ALG12: variants seen among roughly 807,000 people sequenced by gnomAD.
ALG12 encodes ALG12 alpha-1,6-mannosyltransferase.
A neutral mutation model predicts 46.0 loss-of-function variants in ALG12; 36 were observed. That is an observed-to-expected ratio of 0.78 (90% CI 0.60 to 1.03). The LOEUF (loss-of-function observed/expected upper bound fraction) is 1.03, where lower values mean the gene tolerates loss of function less well. Ranked by LOEUF, ALG12 falls within the 50% of genes least tolerant of loss-of-function variation. ALG12 has a pLI of 0.00. For missense variants in ALG12, 599 were observed against 633.5 expected (o/e 0.95, Z 0.58); for synonymous variants, 326 against 291.6 (o/e 1.12, Z -1.20).
chr22:49,861,466 C>T, the ALG12 span, among the ~76,000 whole-genome samples: 1 of 152,068 alleles, frequency 6.6e-6, no homozygotes, highest in African/African-American at 2.4e-5. Context: ...TAGCGTCTGG[C>T]TCTGTTGCCC....
chr22:49,878,223 T>C, the ALG12 span, among the ~76,000 whole-genome samples: 1 of 148,164 alleles, frequency 6.7e-6, no homozygotes, highest in African/African-American at 2.5e-5. Flanking sequence ...GAGAATCGTT[T>C]GAACCCGGGA....
Position 49,913,325 on chromosome 22 carries a change from A to G in ALG12, c.295+60T>C, listed in dbSNP as rs1031101236. 1.6e-4 allele frequency: 263 copies of G among 1,609,032 alleles called. 4 individuals are homozygous for G. The South Asian group carries it at 2.5e-3, about 15-fold the overall frequency. Reference sequence around the variant, plus strand: ...GGCAGGAGGGACCGCGGCCTCGCTGAGGTCACCCGATGACACCACAGTCCC... The same window carrying G: ...GGCAGGAGGGACCGCGGCCTCGCTGGGGTCACCCGATGACACCACAGTCCC... On this transcript the variant is annotated intron_variant, in intron 3 of 9. Coordinates refer to ENST00000330817, the MANE Select transcript of ALG12 (RefSeq NM_024105.4).
Position 49,909,905 on chromosome 22 carries a change from A to AGTT in ALG12, c.652_653insAAC (p.Ile218delinsLysLeu). 1 of 1,614,130 alleles carries AGTT rather than the reference A, an allele frequency of 6.2e-7. No homozygotes were observed. On this transcript the variant is annotated protein_altering_variant, in exon 5 of 10. Transcript: ENST00000330817. Reference sequence around the variant, plus strand: ...AGTGACTGACTTACCTAAACAGAGGATCCCTGCCGGGACGGCGTGGCGAAG... The same window carrying AGTT: ...AGTGACTGACTTACCTAAACAGAGGAGTTTCCCTGCCGGGACGGCGTGGCGAAG...
At chr22:49,890,754 C>T in the ALG12 span, among the ~76,000 whole-genome samples, 11 of 152,166 alleles carry the variant, frequency 7.2e-5, no homozygotes, top group East Asian at 3.9e-4. Context: ...CGGTGGCTCA[C>T]GCCTGTAATC....
chr22:49,899,195 G>A (rs763303682), downstream of ALG12, among the ~76,000 whole-genome samples: 23 of 152,076 alleles, frequency 1.5e-4, no homozygotes, highest in East Asian at 9.6e-4. Context: ...GATGCAGGCC[G>A]GGCACAGTGG....
At chr22:49,889,293 T>C in the ALG12 span, 2 of 167,094 alleles carry the variant, frequency 1.2e-5, no homozygotes, top group African/African-American at 2.4e-5. Context: ...CACAGCTGTT[T>C]TTTTAACATG....
chr22:49,904,543 T>C, intron 7 of ALG12, 37 bp from the exon 8 acceptor site: 2 of 1,610,910 alleles, frequency 1.2e-6, no homozygotes. Flanking sequence ...AGGCAGAACG[T>C]AATGACAATA....
chr22:49,903,772 G>A lies in ALG12; in HGVS notation c.*66C>T, dbSNP rs2060527143. 1.3e-6 allele frequency: 2 copies of A among 1,531,262 alleles called. No homozygotes were observed. Among genetic ancestry groups the A allele is most frequent in the South Asian group, 2.2e-5 (2 of 89,376 alleles). 94.9% of individuals were successfully genotyped at this position (1,531,262 alleles called of 1,614,324 possible). On this transcript the variant is annotated 3_prime_UTR_variant, in exon 10 of 10. Coordinates refer to ENST00000330817, the MANE Select transcript of ALG12 (RefSeq NM_024105.4). ...ATTGTCATAATTGTGCTGGAATTGTGCCAGAAACTGGTAGTGATAACAGCT... is the reference window on the plus strand; with the variant it reads ...ATTGTCATAATTGTGCTGGAATTGTACCAGAAACTGGTAGTGATAACAGCT...
chr22:49,904,369 T>C lies in ALG12; in HGVS notation c.1130A>G (p.Gln377Arg). ...GGGGGGCACCAGCTGGTGCAGCCTC[T>C]GCATTGCGACGCCACCTGGGTAGTT... ...HFNYPGGVAM[Q>R]RLHQLVPPQT... is the part of the protein sequence containing the mutation. Residue 377 changes from glutamine to arginine, a missense_variant, in exon 8 of 10, where the codon CAG (glutamine) becomes CGG (arginine). Physicochemically the swap from Gln to Arg is conservative, Grantham distance 43. Transcript: ENST00000330817. 6.2e-7 allele frequency: 1 copy of C among 1,614,180 alleles called. No individual in the cohort carries two copies. Among genetic ancestry groups the C allele is most frequent in the South Asian group, 1.1e-5 (1 of 91,084 alleles).
At chr22:49,885,388 A>G in the ALG12 span, 2 of 1,597,556 alleles carry the variant, frequency 1.3e-6, no homozygotes, top group Non-Finnish European at 1.7e-6. Flanking sequence ...AGACTCCACA[A>G]AAGTCGTGTG....
the ALG12 span, among the ~76,000 whole-genome samples, chr22:49,869,842 G>A: frequency 6.6e-6 from 1 of 152,106 alleles, no homozygotes; most frequent in Non-Finnish European, 1.5e-5. Flanking sequence ...AGATTCATCA[G>A]GCACATGTGC....
At chr22:49,885,292 G>A in the ALG12 span, 1 of 1,594,394 alleles carries the variant, frequency 6.3e-7, no homozygotes, top group Non-Finnish European at 8.6e-7. Flanking sequence ...CTTGCCAACA[G>A]TGGTCACAAA....
intron 3 of ALG12, among the ~76,000 whole-genome samples, chr22:49,912,115 A>G (rs1303928213): frequency 6.7e-6 from 1 of 148,256 alleles, no homozygotes; most frequent in Admixed American, 6.6e-5. Context: ...CGGCCCCGGG[A>G]TCAGCCTGGC....
chr22:49,891,581 A>C, the ALG12 span, among the ~76,000 whole-genome samples: 2 of 152,120 alleles, frequency 1.3e-5, no homozygotes, highest in Non-Finnish European at 2.9e-5. Context: ...GTCCTCATAC[A>C]CTTTTTGTAA....
chr22:49,865,967 C>G, the ALG12 span, among the ~76,000 whole-genome samples: 1 of 152,008 alleles, frequency 6.6e-6, no homozygotes, highest in Non-Finnish European at 1.5e-5. Flanking sequence ...CCGCCTCCAC[C>G]TCCCGATGCT....
At chr22:49,862,719 T>A in the ALG12 span, among the ~76,000 whole-genome samples, 24 of 105,056 alleles carry the variant, frequency 2.3e-4, no homozygotes, top group South Asian at 6.2e-4. Flanking sequence ...TTTTTTTTTT[T>A]AGACTTAAGT....
At chr22:49,864,950 C>CACCCG in the ALG12 span, among the ~76,000 whole-genome samples, 1 of 74,736 alleles carries the variant, frequency 1.3e-5, no homozygotes, top group African/African-American at 1.7e-4. Flanking sequence ...CCCCCCCCCC[C>CACCCG]CCGTGAAGTC....
At chr22:49,887,075 C>T in the ALG12 span, 1 of 1,614,182 alleles carries the variant, frequency 6.2e-7, no homozygotes, top group Non-Finnish European at 8.5e-7. Context: ...TTCAACACAC[C>T]CACTGAGAAC....
At chr22:49,885,945 T>C in the ALG12 span, 1 of 763,714 alleles carries the variant, frequency 1.3e-6, no homozygotes, top group Non-Finnish European at 2.3e-6. Flanking sequence ...GGCCGCGCTG[T>C]GACGACCACC....
Sources: allele counts gnomAD v4.1 joint callset (sites outside exome capture counted in the v4.1 genomes callset), GRCh38; gene constraint gnomAD v4.1.1; transcripts MANE v1.5; gene names NCBI Gene and HGNC (gene_info 2026-07-23, HGNC 2026-07-21).